Variants in CERT1 observed in about 807,000 individuals in gnomAD.
CERT1 encodes ceramide transfer protein.
In CERT1, 31 loss-of-function variants were observed where a neutral mutation model predicts 87.9. The observed-to-expected ratio is 0.35, with a 90% CI of 0.27 to 0.48. The LOEUF is 0.48. CERT1 is among the 20% of genes least tolerant of loss of function. CERT1 has a pLI of 0.99. For missense variants in CERT1, 487 were observed against 758.0 expected, an observed-to-expected ratio of 0.64 and a Z score of 4.20; for synonymous variants, 289 against 250.9, an observed-to-expected ratio of 1.15 and a Z score of -1.44.
intron 1 of CERT1, among the ~76,000 whole-genome samples, chr5:75,506,474 T>G (rs867901879): frequency 6.6e-6 from 1 of 152,330 alleles, no homozygotes; most frequent in Middle Eastern, 3.4e-3. Context: ...GTTTTGGTCC[T>G]TGTCATAATT....
In CERT1 at chr5:75,411,428, C is replaced by T. The variant is rs538463426; in HGVS notation, c.838-325G>A. Among the ~76,000 whole-genome samples, 34 of 152,316 alleles carry T rather than the reference C, an allele frequency of 2.2e-4. No individual in the cohort carries two copies. The South Asian group carries it at 2.7e-3, about 12-fold the overall frequency. On this transcript the variant is annotated intron_variant, in intron 7 of 16. Coordinates refer to ENST00000643780, the MANE Select transcript of CERT1 (RefSeq NM_001379029.1). The stretch of plus-strand genomic sequence containing the variant: ...TCCTGGGTTCAAGCAATTCTCCTGC[C>T]TCAGCCTCCCAAGTAGCTGGGATTA...
intron 2 of CERT1, among the ~76,000 whole-genome samples, chr5:75,485,753 A>G (rs1218599288): frequency 1.3e-5 from 2 of 152,138 alleles, no homozygotes; most frequent in Admixed American, 1.3e-4. Flanking sequence ...GAATTGGAAA[A>G]CCTAGAAGAA....
chr5:75,403,736 C>T (rs1011082418), intron 8 of CERT1, among the ~76,000 whole-genome samples: 2 of 152,222 alleles, frequency 1.3e-5, no homozygotes, highest in African/African-American at 4.8e-5. Context: ...GGCCATCAAT[C>T]ACTTGGGGAA....
chr5:75,383,228 G>T (rs1203907797), intron 14 of CERT1, among the ~76,000 whole-genome samples: 1 of 151,968 alleles, frequency 6.6e-6, no homozygotes, highest in Non-Finnish European at 1.5e-5. Flanking sequence ...TTGAAAAAAT[G>T]ATTCCAGGAC....
At chr5:75,484,537 A>C (rs1161287945) in intron 2 of CERT1, among the ~76,000 whole-genome samples, 4 of 152,012 alleles carry the variant, frequency 2.6e-5, no homozygotes, top group African/African-American at 4.8e-5. Context: ...CACAGACTGA[A>C]AATAAAAGAA....
chr5:75,490,297 T>C (rs1273212334), intron 2 of CERT1, among the ~76,000 whole-genome samples: 27 of 150,080 alleles, frequency 1.8e-4, no homozygotes, highest in Admixed American at 1.8e-3. Flanking sequence ...TATACCTATG[T>C]AACAAACCTG....
intron 3 of CERT1, among the ~76,000 whole-genome samples, chr5:75,443,712 T>A (rs542986075): frequency 6.6e-6 from 1 of 152,326 alleles, no homozygotes; most frequent in Admixed American, 6.5e-5. Flanking sequence ...GTTCTCTGTT[T>A]CTTTACTTAA....
At chr5:75,376,929 A>G (rs1026971832), downstream of CERT1, 1 of 152,196 alleles carries the variant, frequency 6.6e-6, no homozygotes, top group Non-Finnish European at 1.5e-5. Flanking sequence ...TTCATTATAT[A>G]ATTGACTATT....
intron 2 of CERT1, among the ~76,000 whole-genome samples, chr5:75,487,802 A>T (rs530812825): frequency 6.6e-6 from 1 of 152,038 alleles, no homozygotes; most frequent in Non-Finnish European, 1.5e-5. Flanking sequence ...AATGGCCATT[A>T]TAAGTGTCCG....
In CERT1 at chr5:75,407,792, C is replaced by T. The variant is rs908385589; in HGVS notation, c.930+3219G>A. 7.3e-5 allele frequency among the ~76,000 whole-genome samples: 11 copies of T among 151,382 alleles called. No individual in the cohort carries two copies. The South Asian group carries it at 1.0e-3, about 14-fold the overall frequency. On this transcript the variant is annotated intron_variant, in intron 8 of 16. Coordinates refer to ENST00000643780, the MANE Select transcript of CERT1 (RefSeq NM_001379029.1). ...TACAAAGGCTGGGATGTAACAAAAG[C>T]CCATCAAGAGTTTTGCCTAGGCCTT...
intron 7 of CERT1, among the ~76,000 whole-genome samples, chr5:75,412,556 T>C (rs1762973484): frequency 6.6e-6 from 1 of 152,202 alleles, no homozygotes; most frequent in South Asian, 2.1e-4. Flanking sequence ...TTAATTCTTG[T>C]ATAAACATCA....
At chr5:75,495,968 G>C (rs1205574390) in intron 2 of CERT1, among the ~76,000 whole-genome samples, 1 of 151,718 alleles carries the variant, frequency 6.6e-6, no homozygotes, top group Non-Finnish European at 1.5e-5. Context: ...AAAGAACTTA[G>C]AGCAAAGTCA....
At chr5:75,497,563 G>A (rs1767133970) in intron 2 of CERT1, among the ~76,000 whole-genome samples, 2 of 151,994 alleles carry the variant, frequency 1.3e-5, no homozygotes, top group South Asian at 2.1e-4. Flanking sequence ...AAAGGACCTG[G>A]TGGGAGGTAA....
chr5:75,478,693 T>C (rs1479037433), intron 2 of CERT1, among the ~76,000 whole-genome samples: 5 of 151,860 alleles, frequency 3.3e-5, no homozygotes, highest in Admixed American at 3.3e-4. Context: ...ACCCCTAAAG[T>C]AAGCACTATC....
intron 2 of CERT1, among the ~76,000 whole-genome samples, chr5:75,483,659 T>C (rs1766361300): frequency 1.3e-5 from 2 of 152,068 alleles, no homozygotes; most frequent in Admixed American, 1.3e-4. Context: ...GCAGAAGACT[T>C]CTCAGTAGAA....
In CERT1 at chr5:75,511,355, C is replaced by A. The variant is rs747700913; in HGVS notation, c.-148G>T. The stretch of plus-strand genomic sequence containing the variant: ...GGGGGAGCAGGAGGAGGGACGAAGT[C>A]CGCCCGCCGCGCCGCCGCCGCGCCT... On this transcript the variant is annotated 5_prime_UTR_variant, in exon 1 of 17. Coordinates refer to ENST00000643780, the MANE Select transcript of CERT1 (RefSeq NM_001379029.1). 24 of 1,542,318 alleles carry A rather than the reference C, an allele frequency of 1.6e-5. No homozygotes were observed. The highest frequency in any genetic ancestry group is 1.9e-5 in the Non-Finnish European group (22 of 1,145,772).
intron 5 of CERT1, among the ~76,000 whole-genome samples, chr5:75,424,069 T>C (rs974997483): frequency 6.6e-6 from 1 of 152,204 alleles, no homozygotes; most frequent in African/African-American, 2.4e-5. Flanking sequence ...ATAAATTAAG[T>C]GAAAAAGCTG....
At chr5:75,496,191 A>G (rs1004211922) in intron 2 of CERT1, among the ~76,000 whole-genome samples, 25 of 152,108 alleles carry the variant, frequency 1.6e-4, no homozygotes, top group African/African-American at 5.6e-4. Flanking sequence ...ACAGATAAGC[A>G]AATGAAAAGA....
chr5:75,422,616 CAAAT>C (rs1227424002), intron 5 of CERT1, among the ~76,000 whole-genome samples: 2 of 152,074 alleles, frequency 1.3e-5, no homozygotes, highest in East Asian at 3.9e-4. Context: ...GACCCAGTAT[CAAAT>C]AAAAATCAAA....
Sources: gnomAD v4.1 joint callset for allele counts (sites outside exome capture counted in the v4.1 genomes callset) on GRCh38, gnomAD v4.1.1 for gene constraint, MANE v1.5 for transcripts, NCBI Gene and HGNC (gene_info 2026-07-23, HGNC 2026-07-21) for gene names.